Variants in FGF14 observed in about 807,000 individuals in gnomAD.
FGF14 encodes fibroblast growth factor 14, also known as fibroblast growth factor homologous factor 4.
Under a neutral mutation model 25.5 loss-of-function variants are expected in FGF14, and 5 were observed. The observed-to-expected ratio is 0.20, with a 90% CI of 0.10 to 0.41. FGF14 has a LOEUF of 0.41. Ranked by LOEUF, FGF14 falls within the 10% of genes least tolerant of loss-of-function variation. The pLI is 1.00. For synonymous variants in FGF14, 138 were observed against 118.3 expected, an observed-to-expected ratio of 1.17 and a Z score of -1.08; for missense variants, 222 against 320.1, an observed-to-expected ratio of 0.69 and a Z score of 2.34.
intron 3 of FGF14, among the ~76,000 whole-genome samples, chr13:101,791,124 C>T (rs566812168): frequency 6.6e-6 from 1 of 152,162 alleles, no homozygotes; most frequent in African/African-American, 2.4e-5. Context: ...CTGTCTCTTC[C>T]CCTTTACAGC....
intron 1 of FGF14, among the ~76,000 whole-genome samples, chr13:101,926,136 A>C (rs866086455): frequency 5.8e-4 from 89 of 152,298 alleles, no homozygotes; most frequent in African/African-American, 2.1e-3. Context: ...CATACTCACA[A>C]GTTGCAGGGA....
At chr13:102,134,317 T>C (rs952538392) in intron 1 of FGF14, among the ~76,000 whole-genome samples, 2 of 152,194 alleles carry the variant, frequency 1.3e-5, no homozygotes, top group African/African-American at 4.8e-5. Flanking sequence ...TAAGCAGTGT[T>C]GCTTGACCAG....
chr13:101,767,031 T>C (rs985363012), intron 3 of FGF14, among the ~76,000 whole-genome samples: 4 of 152,236 alleles, frequency 2.6e-5, no homozygotes, highest in Admixed American at 2.6e-4. Flanking sequence ...AATGTTTGTC[T>C]GTTTATTCTC....
intron 3 of FGF14, among the ~76,000 whole-genome samples, chr13:101,768,131 C>A (rs2038524954): frequency 6.6e-6 from 1 of 151,742 alleles, no homozygotes; most frequent in African/African-American, 2.4e-5. Context: ...GATAAAATAT[C>A]TATTATTTTA....
intron 1 of FGF14, among the ~76,000 whole-genome samples, chr13:102,264,347 G>C (rs760702344): frequency 5.3e-5 from 8 of 152,110 alleles, no homozygotes; most frequent in African/African-American, 1.9e-4. Flanking sequence ...CATAAAATTA[G>C]CATCTACTAT....
At chr13:102,285,234 AT>A (rs1401368936) in intron 1 of FGF14, among the ~76,000 whole-genome samples, 2 of 152,084 alleles carry the variant, frequency 1.3e-5, no homozygotes, top group Non-Finnish European at 2.9e-5. Flanking sequence ...GATTAATACA[AT>A]TTTTTTGGTT....
At chr13:101,723,436 ATTAC>A (rs1231865604) in intron 4 of FGF14, among the ~76,000 whole-genome samples, 8 of 152,098 alleles carry the variant, frequency 5.3e-5, no homozygotes, top group African/African-American at 1.4e-4. Flanking sequence ...AGAACATTAA[ATTAC>A]TTTCTTTCAT....
chr13:102,313,842 C>T (rs1273623528), intron 1 of FGF14, among the ~76,000 whole-genome samples: 2 of 152,178 alleles, frequency 1.3e-5, no homozygotes, highest in African/African-American at 2.4e-5. Flanking sequence ...AACAACATCA[C>T]GTCACAAATT....
intron 1 of FGF14, among the ~76,000 whole-genome samples, chr13:102,290,128 T>G (rs2054305270): frequency 6.6e-6 from 1 of 152,280 alleles, no homozygotes; most frequent in South Asian, 2.1e-4. Context: ...CCTTCAAAAT[T>G]CACATGTTGA....
At chr13:101,964,778 T>C (rs1025701323) in intron 1 of FGF14, among the ~76,000 whole-genome samples, 1 of 152,172 alleles carries the variant, frequency 6.6e-6, no homozygotes, top group Non-Finnish European at 1.5e-5. Context: ...TTCTTTTCAA[T>C]GGCAAGCTTC....
intron 3 of FGF14, among the ~76,000 whole-genome samples, chr13:101,852,051 T>C (rs1448858543): frequency 2.6e-5 from 4 of 152,050 alleles, no homozygotes; most frequent in African/African-American, 9.7e-5. Context: ...TCTGCTAGCG[T>C]AGAAAAGACT....
chr13:102,040,713 A>G (rs970068279), intron 1 of FGF14, among the ~76,000 whole-genome samples: 3 of 152,210 alleles, frequency 2.0e-5, no homozygotes, highest in Non-Finnish European at 4.4e-5. Flanking sequence ...GTGAAAACAC[A>G]TAAGTGAAAA....
intron 1 of FGF14, among the ~76,000 whole-genome samples, chr13:102,219,815 T>A (rs962605204): frequency 6.6e-6 from 1 of 152,176 alleles, no homozygotes; most frequent in Non-Finnish European, 1.5e-5. Context: ...TCAAGAAATA[T>A]GTATTTGTGA....
At chr13:101,826,336 G>C (rs540376679) in intron 3 of FGF14, among the ~76,000 whole-genome samples, 27 of 151,986 alleles carry the variant, frequency 1.8e-4, no homozygotes, top group Non-Finnish European at 3.4e-4. Flanking sequence ...ATGAGTCTGA[G>C]GATAATTTGA....
intron 1 of FGF14, among the ~76,000 whole-genome samples, chr13:102,076,298 G>C (rs149089607): frequency 5.8e-4 from 88 of 152,190 alleles, no homozygotes; most frequent in Non-Finnish European, 1.1e-3. Flanking sequence ...CCTTTTCTAT[G>C]ATTAGATATG....
At chr13:102,233,198 G>C (rs1221954144) in intron 1 of FGF14, among the ~76,000 whole-genome samples, 2 of 152,032 alleles carry the variant, frequency 1.3e-5, no homozygotes, top group African/African-American at 4.8e-5. Context: ...GCAGTAGCAT[G>C]ATCTCGGCTC....
At chr13:101,882,955 T>C (rs1300046900) in intron 1 of FGF14, among the ~76,000 whole-genome samples, 1 of 152,070 alleles carries the variant, frequency 6.6e-6, no homozygotes, top group Non-Finnish European at 1.5e-5. Context: ...TAATCCTCTC[T>C]ACAGAATCTC....
At chr13:101,779,221 C>T (rs1450297478) in intron 3 of FGF14, among the ~76,000 whole-genome samples, 1 of 152,126 alleles carries the variant, frequency 6.6e-6, no homozygotes, top group African/African-American at 2.4e-5. Flanking sequence ...CCGGAATCAC[C>T]CCCTTTAGTT....
At chr13:102,197,314 A>C (rs2140859358) in intron 1 of FGF14, among the ~76,000 whole-genome samples, 1 of 152,128 alleles carries the variant, frequency 6.6e-6, no homozygotes, top group South Asian at 2.1e-4. Context: ...CCAGAGCCTA[A>C]CCCCTTTACC....
Sources: allele counts gnomAD v4.1 joint callset (sites outside exome capture counted in the v4.1 genomes callset), GRCh38; gene constraint gnomAD v4.1.1; transcripts MANE v1.5; gene names NCBI Gene and HGNC (gene_info 2026-07-23, HGNC 2026-07-21).